Variants in ASTN1 observed in about 807,000 individuals in gnomAD.
The protein encoded by ASTN1 is astrotactin 1.
ASTN1 carries 41 observed loss-of-function variants against 140.7 expected under a neutral mutation model. The observed-to-expected ratio is 0.29, with a 90% CI of 0.23 to 0.38. The LOEUF is 0.38. ASTN1 is among the 10% of genes least tolerant of loss of function. ASTN1 has a pLI of 1.00. For synonymous variants in ASTN1, 640 were observed against 652.2 expected (o/e 0.98, Z 0.29); for missense variants, 1,479 against 1,678.8 (o/e 0.88, Z 2.08).
chr1:177,142,205 C>G (rs975451388), intron 1 of ASTN1, among the ~76,000 whole-genome samples: 3 of 151,626 alleles, frequency 2.0e-5, no homozygotes, highest in Admixed American at 6.6e-5. Flanking sequence ...AATAATTACA[C>G]ATTGTCAGCA....
chr1:176,997,417 C>T (rs1674505654), intron 8 of ASTN1, among the ~76,000 whole-genome samples: 1 of 151,986 alleles, frequency 6.6e-6, no homozygotes, highest in Non-Finnish European at 1.5e-5. Flanking sequence ...ATTCAAGTTT[C>T]GCATCTCAAA....
rs374965436 is a variant in ASTN1 at position 176,898,009 on chromosome 1, C to T, written c.2672-3179G>A. 2.6e-5 allele frequency among the ~76,000 whole-genome samples: 4 copies of T among 152,128 alleles called. No homozygotes were observed. In the East Asian group the frequency reaches 7.7e-4, roughly 29 times the overall value. On this transcript the variant is annotated intron_variant, in intron 16 of 22. Transcript: ENST00000361833. ...CACAAACACTCCGGAGCTGAGGGTC[C>T]GAGGGCCTTCCTGCCCTCCAGCTGG...
chr1:177,148,718 A>C (rs1682834218), intron 1 of ASTN1, among the ~76,000 whole-genome samples: 1 of 151,604 alleles, frequency 6.6e-6, no homozygotes, highest in East Asian at 1.9e-4. Context: ...CCAAGAAAAG[A>C]AGAGACCAGT....
At chr1:177,002,221 G>T (rs1674761311) in intron 8 of ASTN1, among the ~76,000 whole-genome samples, 1 of 152,126 alleles carries the variant, frequency 6.6e-6, no homozygotes, top group African/African-American at 2.4e-5. Flanking sequence ...GTTGAGAAGG[G>T]CCATAAAGGA....
At chr1:177,127,352 G>A (rs976404657) in intron 1 of ASTN1, among the ~76,000 whole-genome samples, 3 of 152,038 alleles carry the variant, frequency 2.0e-5, no homozygotes, top group African/African-American at 4.8e-5. Flanking sequence ...AAGACCCCAC[G>A]GTTAATGCTT....
chr1:177,087,617 C>T (rs1282572764), intron 1 of ASTN1, among the ~76,000 whole-genome samples: 1 of 152,158 alleles, frequency 6.6e-6, no homozygotes, highest in Non-Finnish European at 1.5e-5. Flanking sequence ...AAATCCTTTC[C>T]CCTGGTTGCA....
chr1:177,163,586 T>C lies in ASTN1; in HGVS notation c.283+808A>G, dbSNP rs367973694. 3.9e-5 allele frequency among the ~76,000 whole-genome samples: 6 copies of C among 152,152 alleles called. No individual in the cohort carries two copies. The East Asian group carries it at 1.2e-3, about 29-fold the overall frequency. ...TGGGAGTACCAAAAAGAGAGAGATG[T>C]AAACAAACAAAGGAAGGAAGAGCCC... On this transcript the variant is annotated intron_variant, in intron 1 of 22. Transcript: ENST00000361833.
At chr1:176,937,840 T>C (rs1671514610) in intron 14 of ASTN1, among the ~76,000 whole-genome samples, 1 of 152,194 alleles carries the variant, frequency 6.6e-6, no homozygotes. Flanking sequence ...TCCTGCCATT[T>C]CGACCCATGT....
chr1:177,055,461 A>G (rs943287912), intron 2 of ASTN1, among the ~76,000 whole-genome samples: 1 of 152,228 alleles, frequency 6.6e-6, no homozygotes, highest in Non-Finnish European at 1.5e-5. Context: ...TTCAGAAAGA[A>G]ACAAAGAGCA....
chr1:176,868,674 A>T, intron 22 of ASTN1, 170 bp downstream of exon 22: 1 of 638,910 alleles, frequency 1.6e-6, no homozygotes, highest in South Asian at 6.0e-5. Flanking sequence ...AATAGAGCTT[A>T]TCCAAAACTA....
At chr1:176,967,381 A>G (rs918293522) in intron 8 of ASTN1, among the ~76,000 whole-genome samples, 2 of 152,222 alleles carry the variant, frequency 1.3e-5, no homozygotes, top group Non-Finnish European at 2.9e-5. Context: ...AAGTCTAGAA[A>G]TCATGAGAAA....
At chr1:177,068,169 G>C (rs761710607) in intron 1 of ASTN1, among the ~76,000 whole-genome samples, 2 of 152,194 alleles carry the variant, frequency 1.3e-5, no homozygotes, top group Admixed American at 6.5e-5. Context: ...ATTGGGAAAG[G>C]AGTTCTCATT....
intron 19 of ASTN1, among the ~76,000 whole-genome samples, 156 bp from the exon 20 acceptor site, chr1:176,883,150 T>C (rs55837869): frequency 0.054 from 8,157 of 152,104 alleles, 280 homozygotes; most frequent in African/African-American, 0.096. Flanking sequence ...CCTTTTCTAT[T>C]TCATATTTAA....
At chr1:177,110,768 G>A (rs1318655033) in intron 1 of ASTN1, among the ~76,000 whole-genome samples, 3 of 152,256 alleles carry the variant, frequency 2.0e-5, no homozygotes, top group East Asian at 3.9e-4. Flanking sequence ...GCCACAGTCG[G>A]GACTCAAGAT....
rs1391482944 is a variant in ASTN1 at position 176,876,623 on chromosome 1, C to A, written c.3377G>T (p.Gly1126Val). ...PDTIYMFTLW[G>V]VDNTGRRSRP... ...GGAGCGCCGTCCTGTGTTGTCCACT[C>A]CCCACAGCGTGAACCTGGCAGGGAG... Residue 1126 changes from glycine to valine, a missense_variant, in exon 21 of 23, where the codon GGA becomes GTA. Around this residue, in one of 3 missense-constraint regions of ASTN1, gnomAD observed 746 missense variants for 800.9 expected, o/e 0.93. Coordinates refer to ENST00000361833, the MANE Select transcript of ASTN1 (RefSeq NM_004319.3). 1 of 1,614,102 alleles carries A rather than the reference C, an allele frequency of 6.2e-7. No homozygotes were observed. The highest frequency in any genetic ancestry group is 1.3e-5 in the African/African-American group (1 of 75,050).
At chr1:177,076,228 G>A (rs1323964090) in intron 1 of ASTN1, among the ~76,000 whole-genome samples, 2 of 135,868 alleles carry the variant, frequency 1.5e-5, no homozygotes, top group Non-Finnish European at 3.1e-5. Context: ...GCAGTGAGCC[G>A]AGATTGTGCC....
At chr1:177,048,800 G>A (rs1298348091) in intron 2 of ASTN1, among the ~76,000 whole-genome samples, 1 of 152,190 alleles carries the variant, frequency 6.6e-6, no homozygotes, top group African/African-American at 2.4e-5. Context: ...TGGAGACACA[G>A]AGGAGCAGAG....
chr1:176,873,733 A>G (rs1218216092), intron 21 of ASTN1, among the ~76,000 whole-genome samples: 1 of 152,164 alleles, frequency 6.6e-6, no homozygotes, highest in Non-Finnish European at 1.5e-5. Flanking sequence ...TTCCTGGCTG[A>G]AGGATAACAG....
intron 16 of ASTN1, among the ~76,000 whole-genome samples, chr1:176,917,235 C>T (rs1670525658): frequency 6.6e-6 from 1 of 152,160 alleles, no homozygotes; most frequent in Admixed American, 6.5e-5. Context: ...TGAGGGCAGG[C>T]ATAGTTCTTA....
Sources: allele counts gnomAD v4.1 joint callset (sites outside exome capture counted in the v4.1 genomes callset), GRCh38; gene constraint gnomAD v4.1.1; regional missense constraint gnomAD v4.1.1; transcripts MANE v1.5; gene names NCBI Gene and HGNC (gene_info 2026-07-23, HGNC 2026-07-21).